ANKRD62: variants seen among roughly 807,000 people sequenced by gnomAD.
The protein encoded by ANKRD62 is ankyrin repeat domain-containing protein 62.
In ANKRD62, 61 loss-of-function variants were observed where a neutral mutation model predicts 98.8. The observed-to-expected ratio is 0.62, with a 90% CI of 0.50 to 0.76. The LOEUF (loss-of-function observed/expected upper bound fraction) is 0.76, where lower values mean the gene tolerates loss of function less well. Ranked by LOEUF, ANKRD62 falls within the 30% of genes least tolerant of loss-of-function variation. The pLI is 0.00. For missense variants in ANKRD62, 933 were observed against 1,082.9 expected (o/e 0.86, Z 1.94); for synonymous variants, 341 against 367.9 (o/e 0.93, Z 0.84).
the ANKRD62 span, among the ~76,000 whole-genome samples, chr18:12,168,858 G>C: frequency 1.2e-4 from 18 of 152,144 alleles, no homozygotes; most frequent in Middle Eastern, 3.2e-3. Flanking sequence ...CACATCCCTT[G>C]TAAACTGGAT....
chr18:12,099,513 T>G, intron 5 of ANKRD62, 102 bp from the exon 6 acceptor site: 1 of 631,610 alleles, frequency 1.6e-6, no homozygotes, highest in Non-Finnish European at 2.4e-6. Flanking sequence ...TAATTAAAGT[T>G]CTGATATTGT....
chr18:12,134,316 A>G (rs1910047390), downstream of ANKRD62, among the ~76,000 whole-genome samples: 1 of 152,140 alleles, frequency 6.6e-6, no homozygotes, highest in African/African-American at 2.4e-5. Context: ...TTTGACTAAA[A>G]TTGCAGTGTT....
the ANKRD62 span, among the ~76,000 whole-genome samples, chr18:12,149,951 A>G: frequency 1.3e-5 from 2 of 151,870 alleles, no homozygotes; most frequent in African/African-American, 4.8e-5. Flanking sequence ...GCTGGCTGAC[A>G]TGATAGAAAT....
At chr18:12,168,718 C>G in the ANKRD62 span, among the ~76,000 whole-genome samples, 1 of 152,132 alleles carries the variant, frequency 6.6e-6, no homozygotes, top group Admixed American at 6.5e-5. Flanking sequence ...CTATAAATTA[C>G]CTTGGGCAGT....
chr18:12,094,219 A>G lies in ANKRD62; in HGVS notation c.202A>G (p.Arg68Gly), dbSNP rs1909114519. The G allele has an allele frequency of 1.3e-6, 2 of 1,527,664 alleles. No homozygotes were observed. The highest frequency in any genetic ancestry group is 2.5e-5 in the East Asian group (1 of 40,476). The allele number at this position is 1,527,664 out of a possible 1,614,324, so 94.6% of individuals were successfully genotyped here. A position where few individuals can be genotyped will look rare whatever the true frequency, so the allele number is the denominator to read the frequency against. The stretch of plus-strand genomic sequence containing the variant: ...GCTCAGGCTGAATGACTTGAACGAC[A>G]GGGACAAGAAGAACAGGTAAGGGGA... ...ILLRLNDLND[R>G]DKKNRTALLL... The change falls in exon 1 of 14, where the codon AGG (arginine) becomes GGG (glycine). Residue 68 changes from arginine to glycine, a missense_variant. Physicochemically the swap from Arg to Gly is moderately radical, Grantham distance 125. This residue lies in a region of ANKRD62 where 549 missense variants were observed against 587.9 expected (regional missense o/e 0.93). Coordinates refer to ENST00000587848, the MANE Select transcript of ANKRD62 (RefSeq NM_001277333.2).
the ANKRD62 span, among the ~76,000 whole-genome samples, chr18:12,175,846 C>T: frequency 6.6e-6 from 1 of 151,898 alleles, no homozygotes; most frequent in Non-Finnish European, 1.5e-5. Context: ...AAATTGTATT[C>T]TCCCCCAATA....
intron 7 of ANKRD62, among the ~76,000 whole-genome samples, chr18:12,106,013 G>A (rs1040796119): frequency 6.6e-6 from 1 of 152,206 alleles, no homozygotes; most frequent in African/African-American, 2.4e-5. Context: ...AAATGTGTCT[G>A]TCCTTGAGAG....
At chr18:12,146,515 G>A in the ANKRD62 span, among the ~76,000 whole-genome samples, 1 of 152,118 alleles carries the variant, frequency 6.6e-6, no homozygotes, top group South Asian at 2.1e-4. Flanking sequence ...GCACAATCTC[G>A]GCTCACCGCA....
rs377391188 is a variant in ANKRD62, at chr18:12,107,457, G to A, written c.1054G>A (p.Glu352Lys). 3.1e-5 allele frequency: 46 copies of A among 1,501,024 alleles called. 1 individual carries two copies. The highest frequency in any genetic ancestry group is 2.4e-4 in the African/African-American group (17 of 71,646). The allele number at this position is 1,501,024 out of a possible 1,614,324, so 93.0% of individuals were successfully genotyped here. The part of the protein sequence containing the change: ...NHQSPGKENG[E>K]FDRLARKTSN... ...TCAATCTCCTGGGAAGGAGAATGGC[G>A]AGTTTGATAGGTAATCCTGTAGCGA... is the stretch of plus-strand genomic sequence containing the variant. Residue 352 changes from glutamate to lysine, a missense_variant, in exon 8 of 14, where the codon GAG becomes AAG. Physicochemically the swap from Glu to Lys is moderately conservative, Grantham distance 56 (BLOSUM62 1). Coordinates refer to ENST00000587848, the MANE Select transcript of ANKRD62 (RefSeq NM_001277333.2).
the ANKRD62 span, among the ~76,000 whole-genome samples, chr18:12,158,819 C>A: frequency 6.6e-6 from 1 of 152,046 alleles, no homozygotes; most frequent in East Asian, 1.9e-4. Flanking sequence ...CAGGCGTGAG[C>A]CACCGCGCCC....
chr18:12,155,241 G>T, the ANKRD62 span, among the ~76,000 whole-genome samples: 10 of 152,150 alleles, frequency 6.6e-5, no homozygotes, highest in African/African-American at 9.7e-5. Context: ...GCTTATTCTG[G>T]CTTGAAAACT....
chr18:12,167,062 T>G, the ANKRD62 span, among the ~76,000 whole-genome samples: 1 of 152,102 alleles, frequency 6.6e-6, no homozygotes, highest in Non-Finnish European at 1.5e-5. Context: ...CTCATCTTTT[T>G]GTATGGCTGC....
At chr18:12,178,199 C>T in the ANKRD62 span, among the ~76,000 whole-genome samples, 2 of 151,316 alleles carry the variant, frequency 1.3e-5, no homozygotes, top group Non-Finnish European at 1.5e-5. Flanking sequence ...AAGACAAACC[C>T]AATTACCTGG....
chr18:12,175,050 T>C, the ANKRD62 span, among the ~76,000 whole-genome samples: 358 of 152,332 alleles, frequency 2.4e-3, 2 homozygotes, highest in Admixed American at 0.021. Context: ...GGTGCCAGTG[T>C]GCCTGCCCCG....
the ANKRD62 span, among the ~76,000 whole-genome samples, chr18:12,152,297 G>T: frequency 6.6e-6 from 1 of 151,644 alleles, no homozygotes; most frequent in African/African-American, 2.4e-5. Flanking sequence ...TAAAGCTTCA[G>T]GCTGTTATCC....
At chr18:12,134,689 A>G (rs1910055078), downstream of ANKRD62, among the ~76,000 whole-genome samples, 1 of 152,098 alleles carries the variant, frequency 6.6e-6, no homozygotes, top group African/African-American at 2.4e-5. Context: ...CCATGTCCCT[A>G]CAAAGGACAT....
the ANKRD62 span, among the ~76,000 whole-genome samples, chr18:12,170,551 T>G: frequency 6.6e-5 from 10 of 152,212 alleles, no homozygotes; most frequent in Non-Finnish European, 1.3e-4. Context: ...TACTTCCAAC[T>G]ATGTGGTCAA....
intron 7 of ANKRD62, among the ~76,000 whole-genome samples, chr18:12,105,007 T>C (rs1046937828): frequency 5.3e-5 from 8 of 152,094 alleles, no homozygotes; most frequent in Non-Finnish European, 1.2e-4. Context: ...GTAGTTACAA[T>C]TGAAATAAAA....
Position 12,122,433 on chromosome 18 carries a change from A to G in ANKRD62, c.1371A>G (p.Gln457=). The part of the protein sequence containing the change: ...QKMKNNISVL[Q]KVLSETDKTK... ...TGAAAAATAATATTAGCGTACTACA[A>G]AAGGTACTATCTGAAACAGACAAAA... Residue 457 remains glutamine (Q), a synonymous_variant, in exon 11 of 14, where the codon CAA becomes CAG. Coordinates refer to ENST00000587848, the MANE Select transcript of ANKRD62 (RefSeq NM_001277333.2). 6.5e-7 allele frequency: 1 copy of G among 1,535,690 alleles called. No homozygotes were observed. The highest frequency in any genetic ancestry group is 8.7e-7 in the Non-Finnish European group (1 of 1,146,664).
Sources: gnomAD v4.1 joint callset for allele counts (sites outside exome capture counted in the v4.1 genomes callset) on GRCh38, gnomAD v4.1.1 for gene constraint, gnomAD v4.1.1 regional missense constraint, MANE v1.5 for transcripts, NCBI Gene and HGNC (gene_info 2026-07-23, HGNC 2026-07-21) for gene names.